VWC2: variants seen among roughly 807,000 people sequenced by gnomAD.
The protein encoded by VWC2 is von Willebrand factor C domain containing 2.
In VWC2, 14 loss-of-function variants were observed where a neutral mutation model predicts 29.8. The observed-to-expected ratio is 0.47, with a 90% CI of 0.31 to 0.74. VWC2 has a LOEUF of 0.74. Ranked by LOEUF, VWC2 falls within the 30% of genes least tolerant of loss-of-function variation. The pLI is 0.05. For missense variants in VWC2, 457 were observed against 459.8 expected (o/e 0.99, Z 0.05); for synonymous variants, 213 against 199.0 (o/e 1.07, Z -0.59).
Position 49,920,594 on chromosome 7 carries a change from G to C in VWC2, c.*8409G>C, listed in dbSNP as rs921939551. 1 of 152,120 alleles carries C rather than the reference G, an allele frequency of 6.6e-6. No homozygotes were observed. Among genetic ancestry groups the C allele is most frequent in the Non-Finnish European group, 1.5e-5 (1 of 68,032 alleles). 9.4% of individuals were successfully genotyped at this position (152,120 alleles called of 1,614,324 possible). ...AAGGGAACAGAGAGAGACTCTGCTT[G>C]GCCGAGTTTGCTATTCTCATTTGTC... On this transcript the variant is annotated 3_prime_UTR_variant, in exon 4 of 4. Transcript: ENST00000340652.
At chr7:49,789,372 TGA>T (rs1376466668) in intron 2 of VWC2, among the ~76,000 whole-genome samples, 2 of 151,798 alleles carry the variant, frequency 1.3e-5, no homozygotes, top group Non-Finnish European at 2.9e-5. Context: ...TGTGTGAGTG[TGA>T]GTGTGTGTAT....
At chr7:49,816,789 GA>G (rs1181416524) in intron 3 of VWC2, among the ~76,000 whole-genome samples, 20 of 152,272 alleles carry the variant, frequency 1.3e-4, no homozygotes, top group African/African-American at 4.3e-4. Context: ...CTTGGCTTTG[GA>G]GCTAGACTGG....
At chr7:49,902,227 GT>G (rs1207931281) in intron 3 of VWC2, among the ~76,000 whole-genome samples, 1 of 151,866 alleles carries the variant, frequency 6.6e-6, no homozygotes, top group Non-Finnish European at 1.5e-5. Flanking sequence ...TCTGAAAGAT[GT>G]TCTCAAAAGA....
chr7:49,897,097 T>G lies in VWC2; in HGVS notation c.827-14937T>G, dbSNP rs931789628. Among the ~76,000 whole-genome samples the G allele has an allele frequency of 7.9e-5, 12 of 151,834 alleles. No homozygotes were observed. In the South Asian group the frequency reaches 2.1e-3, roughly 26 times the overall value. On this transcript the variant is annotated intron_variant, in intron 3 of 3. Transcript: ENST00000340652. Reference sequence around the variant, plus strand: ...TTTTTAGTAGAGACGGGGTTTCACCTTGTTAGCCAGGATGGTCTCGATCTC... The same window carrying G: ...TTTTTAGTAGAGACGGGGTTTCACCGTGTTAGCCAGGATGGTCTCGATCTC...
intron 3 of VWC2, among the ~76,000 whole-genome samples, chr7:49,863,951 A>C (rs1015177256): frequency 2.0e-5 from 3 of 152,114 alleles, no homozygotes; most frequent in Non-Finnish European, 4.4e-5. Context: ...GTTGTTTTAA[A>C]ATATTTTTTC....
chr7:49,902,988 T>C (rs1421528968), intron 3 of VWC2, among the ~76,000 whole-genome samples: 2 of 151,926 alleles, frequency 1.3e-5, no homozygotes, highest in Non-Finnish European at 2.9e-5. Context: ...CAGATGAAGA[T>C]ATAAAATGGC....
chr7:49,879,813 G>A (rs1280967945), intron 3 of VWC2, among the ~76,000 whole-genome samples: 2 of 151,958 alleles, frequency 1.3e-5, no homozygotes, highest in African/African-American at 4.8e-5. Context: ...GATCACAATT[G>A]TCAGTGGATA....
chr7:49,804,383 G>C (rs951952142), intron 3 of VWC2, among the ~76,000 whole-genome samples: 2 of 152,138 alleles, frequency 1.3e-5, no homozygotes, highest in Admixed American at 6.5e-5. Context: ...CCTCTGGTCT[G>C]CTGGGAGAGC....
At chr7:49,795,948 C>A (rs916771974) in intron 2 of VWC2, among the ~76,000 whole-genome samples, 1 of 151,950 alleles carries the variant, frequency 6.6e-6, no homozygotes, top group Non-Finnish European at 1.5e-5. Context: ...TCCAGGGGGT[C>A]CAGAGACTTA....
In VWC2 at chr7:49,818,723, A is replaced by AAT. The variant is rs781054715; in HGVS notation, c.826+15894_826+15895dup. ...GATTGAAAGTAAAATTGAAGATAAA[A>AAT]ATATATATATATGTATATCTTCATA... On this transcript the variant is annotated intron_variant, in intron 3 of 3. Transcript: ENST00000340652. 1.9e-3 allele frequency among the ~76,000 whole-genome samples: 286 copies of AAT among 151,068 alleles called. 1 individual carries two copies. Among genetic ancestry groups the AAT allele is most frequent in the East Asian group, 1.9e-3 (10 of 5,162 alleles).
chr7:49,784,803 C>T (rs1788257409), intron 2 of VWC2, among the ~76,000 whole-genome samples: 1 of 152,260 alleles, frequency 6.6e-6, no homozygotes, highest in South Asian at 2.1e-4. Context: ...TCTAAACAAA[C>T]ACACACGGGG....
At chr7:49,885,656 C>G (rs1199579258) in intron 3 of VWC2, among the ~76,000 whole-genome samples, 3 of 152,194 alleles carry the variant, frequency 2.0e-5, no homozygotes, top group Non-Finnish European at 4.4e-5. Flanking sequence ...GAAAGTTCTA[C>G]CTAGTCCATT....
In VWC2 at chr7:49,775,633, G is replaced by T. The variant is rs1227465869; in HGVS notation, c.198G>T (p.Ala66=). The stretch of plus-strand genomic sequence containing the variant: ...GGGTGAACGAGCTCGGGCGCCCGGC[G>T]AGGGACGAGGGCGGCAGCGGCCGGG... The part of the protein sequence containing the change: ...PGRVNELGRP[A]RDEGGSGRDW... The change falls in exon 2 of 4, where the codon GCG becomes GCT. Residue 66 remains alanine, a synonymous_variant. Coordinates refer to ENST00000340652, the MANE Select transcript of VWC2 (RefSeq NM_198570.5). 1 of 1,529,706 alleles carries T rather than the reference G, an allele frequency of 6.5e-7. No homozygotes were observed. The highest frequency in any genetic ancestry group is 2.1e-4 in the Middle Eastern group (1 of 4,832). The allele number at this position is 1,529,706 out of a possible 1,614,324, so 94.8% of individuals were successfully genotyped here.
In VWC2 at chr7:49,814,791, CTTG is replaced by C. The variant is rs538475376; in HGVS notation, c.826+11958_826+11960del. ...TACCAGTTACACTGTGCCTCTTGAA[CTTG>C]TTGTTGAGGACCAGCCCTGGCGTCA... On this transcript the variant is annotated intron_variant, in intron 3 of 3. Transcript: ENST00000340652. Among the ~76,000 whole-genome samples, 44 of 151,866 alleles carry C rather than the reference CTTG, an allele frequency of 2.9e-4. 1 individual carries two copies. In the East Asian group the frequency reaches 4.6e-3, roughly 16 times the overall value.
At chr7:49,907,982 G>A (rs1166616091) in intron 3 of VWC2, among the ~76,000 whole-genome samples, 1 of 152,108 alleles carries the variant, frequency 6.6e-6, no homozygotes, top group Admixed American at 6.5e-5. Context: ...GAAAAGACCT[G>A]GAAAGGGAAG....
intron 3 of VWC2, among the ~76,000 whole-genome samples, chr7:49,903,619 A>G (rs1001396238): frequency 1.3e-5 from 2 of 152,220 alleles, no homozygotes; most frequent in African/African-American, 4.8e-5. Flanking sequence ...GTGACTATAT[A>G]GGGTGGCAGA....
intron 2 of VWC2, among the ~76,000 whole-genome samples, chr7:49,778,440 A>G (rs1288786521): frequency 1.3e-5 from 2 of 152,254 alleles, no homozygotes; most frequent in African/African-American, 2.4e-5. Context: ...AAGTTGTTAC[A>G]TATTTTTAAT....
chr7:49,791,328 G>T (rs1252761185), intron 2 of VWC2, among the ~76,000 whole-genome samples: 1 of 152,188 alleles, frequency 6.6e-6, no homozygotes, highest in Non-Finnish European at 1.5e-5. Flanking sequence ...CTTGTCCTGG[G>T]CTACGCGGAG....
At chr7:49,865,061 A>C (rs1420658462) in intron 3 of VWC2, among the ~76,000 whole-genome samples, 1 of 152,142 alleles carries the variant, frequency 6.6e-6, no homozygotes, top group African/African-American at 2.4e-5. Flanking sequence ...TATTTTTTGT[A>C]AAGAATTGTA....
Sources: gnomAD v4.1 joint callset for allele counts (sites outside exome capture counted in the v4.1 genomes callset) on GRCh38, gnomAD v4.1.1 for gene constraint, MANE v1.5 for transcripts, NCBI Gene and HGNC (gene_info 2026-07-23, HGNC 2026-07-21) for gene names.